The following SYNDIG1 variants were observed in gnomAD, a reference collection of about 807,000 sequenced individuals.
SYNDIG1 encodes the protein synapse differentiation-inducing gene protein 1.
SYNDIG1 carries 9 observed loss-of-function variants against 19.4 expected under a neutral mutation model. The observed-to-expected ratio is 0.46, with a 90% confidence interval of 0.28 to 0.81. The LOEUF (loss-of-function observed/expected upper bound fraction) is 0.81. SYNDIG1 is among the 30% of genes least tolerant of loss of function. The probability of loss-of-function intolerance (pLI) is 0.12; values close to 1 mark genes in which losing one functional copy is unlikely to be tolerated. For synonymous variants in SYNDIG1, 141 were observed against 145.9 expected (o/e 0.97, Z 0.24); for missense variants, 311 against 343.3 (o/e 0.91, Z 0.74).
At chr20:24,607,418 G>C (rs900348722) in intron 3 of SYNDIG1, among the ~76,000 whole-genome samples, 1 of 151,872 alleles carries the variant, frequency 6.6e-6, no homozygotes, top group Non-Finnish European at 1.5e-5. Flanking sequence ...CGTTCGGGCT[G>C]ATGAGAGTCC....
chr20:24,578,465 A>G (rs2058267398), intron 2 of SYNDIG1, among the ~76,000 whole-genome samples: 1 of 151,798 alleles, frequency 6.6e-6, no homozygotes, highest in Non-Finnish European at 1.5e-5. Context: ...AGAAAGAAAG[A>G]AAAAGAAAAG....
chr20:24,615,632 G>T (rs369620124), intron 3 of SYNDIG1, among the ~76,000 whole-genome samples: 112 of 152,256 alleles, frequency 7.4e-4, no homozygotes, highest in Middle Eastern at 3.4e-3. Flanking sequence ...TCTTCTCACA[G>T]GCACATTTTC....
At chr20:24,469,934 G>T (rs908421876) in intron 1 of SYNDIG1, among the ~76,000 whole-genome samples, 181 bp downstream of exon 1, 4 of 151,862 alleles carry the variant, frequency 2.6e-5, no homozygotes, top group Non-Finnish European at 4.4e-5. Context: ...CGGTAAGTCC[G>T]GGTGGTCGCC....
chr20:24,572,864 A>G (rs1001563284), intron 2 of SYNDIG1, among the ~76,000 whole-genome samples: 1 of 152,306 alleles, frequency 6.6e-6, no homozygotes, highest in African/African-American at 2.4e-5. Flanking sequence ...AGATATACAG[A>G]GGAAAAATGG....
intron 3 of SYNDIG1, among the ~76,000 whole-genome samples, chr20:24,644,422 G>C (rs2059405318): frequency 6.6e-6 from 1 of 152,194 alleles, no homozygotes; most frequent in African/African-American, 2.4e-5. Flanking sequence ...TCTTGACTTA[G>C]TGCTTTGCAT....
At chr20:24,652,709 T>TC (rs74783343) in intron 3 of SYNDIG1, among the ~76,000 whole-genome samples, 15,989 of 152,216 alleles carry the variant, frequency 0.11, 1,121 homozygotes, top group East Asian at 0.15. Context: ...TTGGAGGCTT[T>TC]CTCCACTCAC....
intron 3 of SYNDIG1, among the ~76,000 whole-genome samples, chr20:24,589,489 G>A (rs6114787): frequency 6.6e-6 from 1 of 152,214 alleles, no homozygotes; most frequent in Non-Finnish European, 1.5e-5. Flanking sequence ...TTGCAGGGGA[G>A]GAAAGCCTGT....
At chr20:24,544,367 A>T (rs2057533210) in intron 2 of SYNDIG1, among the ~76,000 whole-genome samples, 1 of 152,146 alleles carries the variant, frequency 6.6e-6, no homozygotes, top group Admixed American at 6.5e-5. Context: ...CCAGGACGCG[A>T]TGTCAGGGAA....
At chr20:24,553,955 TC>T (rs941978661) in intron 2 of SYNDIG1, among the ~76,000 whole-genome samples, 1 of 152,244 alleles carries the variant, frequency 6.6e-6, no homozygotes, top group African/African-American at 2.4e-5. Flanking sequence ...GGAATGTTCT[TC>T]CATTTGTTTG....
intron 2 of SYNDIG1, among the ~76,000 whole-genome samples, chr20:24,559,857 G>A (rs187002303): frequency 7.5e-4 from 113 of 150,896 alleles, no homozygotes; most frequent in African/African-American, 2.6e-3. Flanking sequence ...TTTCCTGTTC[G>A]GGACAAGTCT....
chr20:24,542,874 A>G, intron 1 of SYNDIG1, 146 bp from the exon 2 acceptor site: 2 of 618,982 alleles, frequency 3.2e-6, no homozygotes, highest in Non-Finnish European at 5.4e-6. Context: ...CATTCACTGA[A>G]TAGGTAGGAC....
intron 3 of SYNDIG1, among the ~76,000 whole-genome samples, chr20:24,661,962 C>A (rs368563901): frequency 6.6e-6 from 1 of 152,070 alleles, no homozygotes; most frequent in East Asian, 1.9e-4. Context: ...CCATGGAATG[C>A]AAATTGACTT....
At chr20:24,646,623 A>G (rs949397544) in intron 3 of SYNDIG1, among the ~76,000 whole-genome samples, 3 of 151,222 alleles carry the variant, frequency 2.0e-5, no homozygotes, top group Non-Finnish European at 2.9e-5. Context: ...GCAGATGCTC[A>G]GTATTTTTTT....
chr20:24,621,312 A>G (rs1358004009), intron 3 of SYNDIG1, among the ~76,000 whole-genome samples: 1 of 152,212 alleles, frequency 6.6e-6, no homozygotes, highest in Non-Finnish European at 1.5e-5. Context: ...ACTTAAGTAA[A>G]TAACTTATCA....
chr20:24,660,944 C>A (rs1486782615), intron 3 of SYNDIG1, among the ~76,000 whole-genome samples: 1 of 152,250 alleles, frequency 6.6e-6, no homozygotes, highest in Admixed American at 6.5e-5. Context: ...TAGGAACCGG[C>A]TGGTCACCCG....
intron 1 of SYNDIG1, among the ~76,000 whole-genome samples, chr20:24,473,160 A>G (rs1026130932): frequency 5.3e-5 from 8 of 152,184 alleles, no homozygotes; most frequent in Non-Finnish European, 7.3e-5. Flanking sequence ...GGACTGAAGT[A>G]TGTGGGGTGT....
intron 3 of SYNDIG1, among the ~76,000 whole-genome samples, chr20:24,585,359 A>G: frequency 6.6e-6 from 1 of 152,192 alleles, no homozygotes; most frequent in East Asian, 1.9e-4. Context: ...GGGAAACACC[A>G]TGCCCAGGTG....
At chr20:24,541,446 A>C (rs994537559) in intron 1 of SYNDIG1, among the ~76,000 whole-genome samples, 4 of 152,242 alleles carry the variant, frequency 2.6e-5, no homozygotes, top group African/African-American at 9.6e-5. Flanking sequence ...GAGATTAAGA[A>C]CTAGGGACTC....
chr20:24,475,385 G>T (rs2055589084), intron 1 of SYNDIG1, among the ~76,000 whole-genome samples: 1 of 152,186 alleles, frequency 6.6e-6, no homozygotes, highest in African/African-American at 2.4e-5. Flanking sequence ...ATGTGTTTCT[G>T]TAGCCAACCT....
Sources: allele counts gnomAD v4.1 joint callset (sites outside exome capture counted in the v4.1 genomes callset), GRCh38; gene constraint gnomAD v4.1.1; transcripts MANE v1.5; gene names NCBI Gene and HGNC (gene_info 2026-07-23, HGNC 2026-07-21).